GRIK2: variants seen among roughly 807,000 people sequenced by gnomAD.
GRIK2 encodes glutamate receptor ionotropic, kainate 2.
GRIK2 carries 32 observed loss-of-function variants against 100.3 expected under a neutral mutation model. The ratio of observed to expected loss-of-function variants is 0.32; its 90% CI spans 0.24 to 0.43. The LOEUF (loss-of-function observed/expected upper bound fraction) is 0.43, where lower values mean the gene tolerates loss of function less well. Ranked by LOEUF, GRIK2 falls within the 20% of genes least tolerant of loss-of-function variation. The probability of loss-of-function intolerance (pLI) is 1.00; values close to 1 mark genes in which losing one functional copy is unlikely to be tolerated. For synonymous variants in GRIK2, 417 were observed against 389.4 expected, an observed-to-expected ratio of 1.07 and a Z score of -0.83; for missense variants, 843 against 1,114.9, an observed-to-expected ratio of 0.76 and a Z score of 3.47.
chr6:101,401,434 CA>C (rs968150810), intron 2 of GRIK2, among the ~76,000 whole-genome samples: 3 of 152,166 alleles, frequency 2.0e-5, no homozygotes, highest in African/African-American at 7.2e-5. Context: ...TTTCTTAGAC[CA>C]ATGCTTACTA....
chr6:101,655,211 T>C (rs757134678), intron 4 of GRIK2, among the ~76,000 whole-genome samples: 2 of 152,208 alleles, frequency 1.3e-5, no homozygotes, highest in Non-Finnish European at 1.5e-5. Context: ...GTAAATGTGA[T>C]AAGAGTATTT....
chr6:101,743,563 C>T (rs1419964181), intron 7 of GRIK2, among the ~76,000 whole-genome samples: 1 of 151,972 alleles, frequency 6.6e-6, no homozygotes, highest in Non-Finnish European at 1.5e-5. Context: ...ATAGTTTTTT[C>T]CATAGTCTTT....
intron 14 of GRIK2, among the ~76,000 whole-genome samples, chr6:101,973,637 A>G (rs1237614714): frequency 6.6e-6 from 1 of 151,936 alleles, no homozygotes; most frequent in Non-Finnish European, 1.5e-5. Flanking sequence ...GATTGTTTAT[A>G]TTAAATGATA....
At chr6:101,503,200 C>T (rs1034675747) in intron 2 of GRIK2, among the ~76,000 whole-genome samples, 3 of 152,050 alleles carry the variant, frequency 2.0e-5, no homozygotes, top group Non-Finnish European at 4.4e-5. Context: ...TTTTAATGAG[C>T]ATTTGTTTTG....
intron 11 of GRIK2, among the ~76,000 whole-genome samples, chr6:101,871,611 A>G (rs995883686): frequency 4.6e-5 from 7 of 151,888 alleles, no homozygotes; most frequent in Non-Finnish European, 1.0e-4. Context: ...CTCCCATTAT[A>G]AGTGAGAACA....
chr6:101,438,600 T>C (rs1298120308), intron 2 of GRIK2, among the ~76,000 whole-genome samples: 8 of 152,072 alleles, frequency 5.3e-5, no homozygotes, highest in African/African-American at 1.9e-4. Flanking sequence ...CATCAAGAAA[T>C]GTGCTCAACA....
intron 11 of GRIK2, among the ~76,000 whole-genome samples, chr6:101,884,028 G>T (rs145641522): frequency 6.6e-6 from 1 of 152,170 alleles, no homozygotes; most frequent in African/African-American, 2.4e-5. Flanking sequence ...GGGACCAGTT[G>T]GAGTCCATTG....
intron 2 of GRIK2, among the ~76,000 whole-genome samples, chr6:101,416,113 T>C (rs1776128425): frequency 6.6e-6 from 1 of 152,186 alleles, no homozygotes; most frequent in Non-Finnish European, 1.5e-5. Flanking sequence ...TCAAGGGTGG[T>C]TGGACCCCTG....
chr6:102,054,111 G>A (rs932824061), intron 15 of GRIK2, among the ~76,000 whole-genome samples: 11 of 152,140 alleles, frequency 7.2e-5, no homozygotes, highest in African/African-American at 2.7e-4. Context: ...ATGTAGAGAA[G>A]CCATAAACTT....
intron 4 of GRIK2, among the ~76,000 whole-genome samples, chr6:101,643,339 G>T (rs1337917140): frequency 6.6e-6 from 1 of 151,336 alleles, no homozygotes; most frequent in Non-Finnish European, 1.5e-5. Context: ...TCTAAGGGTT[G>T]TATAGTTTTA....
chr6:101,455,628 T>G (rs912922094), intron 2 of GRIK2, among the ~76,000 whole-genome samples: 1 of 152,082 alleles, frequency 6.6e-6, no homozygotes, highest in Admixed American at 6.6e-5. Context: ...TCCTTATAAA[T>G]TGAGTGTCCA....
chr6:101,981,721 T>C (rs1485875131), intron 14 of GRIK2, among the ~76,000 whole-genome samples: 1 of 151,686 alleles, frequency 6.6e-6, no homozygotes, highest in East Asian at 2.0e-4. Context: ...AGGCCTTGCA[T>C]GAGAGAAAAG....
intron 11 of GRIK2, among the ~76,000 whole-genome samples, chr6:101,870,677 C>T (rs1190747458): frequency 1.3e-5 from 2 of 151,636 alleles, no homozygotes; most frequent in Admixed American, 1.3e-4. Context: ...CGTGTGATTA[C>T]TTGAAACCAT....
intron 14 of GRIK2, among the ~76,000 whole-genome samples, chr6:101,945,413 C>T (rs999650083): frequency 6.6e-6 from 1 of 152,078 alleles, no homozygotes; most frequent in Non-Finnish European, 1.5e-5. Context: ...TGATTATTCT[C>T]CATTCTAACA....
chr6:102,055,377 G>C lies in GRIK2; in HGVS notation c.2359G>C (p.Glu787Gln). The change falls in exon 16 of 17, where the codon GAG becomes CAG. Residue 787 changes from glutamate (E) to glutamine (Q), a missense_variant. Physicochemically the swap from Glu to Gln is conservative, Grantham distance 29 (BLOSUM62 2). Around this residue, in one of 3 missense-constraint regions of GRIK2, gnomAD observed 237 missense variants for 388.0 expected, o/e 0.61. Transcript: ENST00000369134. ...TACCATAGCAATTCTTCAGCTGCAA[G>C]AGGAAGGCAAACTGCATATGATGAA... ...KITIAILQLQEEGKLHMMKEK... is the reference protein window; with the variant it reads ...KITIAILQLQQEGKLHMMKEK... The C allele has an allele frequency of 6.2e-7, 1 of 1,612,296 alleles. No homozygotes were observed.
At chr6:101,629,181 G>A (rs1856137) in intron 4 of GRIK2, among the ~76,000 whole-genome samples, 26,021 of 151,942 alleles carry the variant, frequency 0.17, 2,385 homozygotes, top group African/African-American at 0.25. Flanking sequence ...TTAGTTACTC[G>A]TTACTATTTA....
intron 10 of GRIK2, among the ~76,000 whole-genome samples, chr6:101,848,063 G>A (rs996938551): frequency 5.3e-5 from 8 of 152,066 alleles, no homozygotes; most frequent in Non-Finnish European, 1.2e-4. Context: ...GTTAAAATAC[G>A]TAACAATTCT....
chr6:102,003,155 C>T (rs1325510813), intron 14 of GRIK2, among the ~76,000 whole-genome samples: 1 of 151,480 alleles, frequency 6.6e-6, no homozygotes, highest in Non-Finnish European at 1.5e-5. Context: ...GCTTTAATGA[C>T]ATTTGTGTTA....
At chr6:101,782,402 C>G (rs892626137) in intron 7 of GRIK2, among the ~76,000 whole-genome samples, 2 of 152,184 alleles carry the variant, frequency 1.3e-5, no homozygotes, top group African/African-American at 4.8e-5. Context: ...ATTCTCCTCT[C>G]TACTTCCATG....
Sources: gnomAD v4.1 joint callset for allele counts (sites outside exome capture counted in the v4.1 genomes callset) on GRCh38, gnomAD v4.1.1 for gene constraint, gnomAD v4.1.1 regional missense constraint, MANE v1.5 for transcripts, NCBI Gene and HGNC (gene_info 2026-07-23, HGNC 2026-07-21) for gene names.